The following CDX4 variants were observed in gnomAD, a reference collection of about 807,000 sequenced individuals.
The protein encoded by CDX4 is homeobox protein CDX-4.
A neutral mutation model predicts 14.1 loss-of-function variants in CDX4; 11 were observed. That is an observed-to-expected ratio of 0.78 (90% CI 0.49 to 1.29). CDX4 has a LOEUF of 1.29. CDX4 is among the 50% of genes most tolerant of loss of function. The pLI, the probability that CDX4 is intolerant of heterozygous loss-of-function variation, is 0.00. For synonymous variants in CDX4, 100 were observed against 93.5 expected (o/e 1.07, Z -0.40); for missense variants, 257 against 237.4 (o/e 1.08, Z -0.54).
chrX:73,454,606 A>T lies in CDX4; in HGVS notation c.*21A>T, dbSNP rs749990964. 4 of 1,138,417 alleles carry T rather than the reference A, an allele frequency of 3.5e-6. No individual in the cohort carries two copies. The Admixed American group carries it at 6.6e-5, about 19-fold the overall frequency. 93.8% of individuals were successfully genotyped at this position (1,138,417 alleles called of 1,213,427 possible). Reference sequence around the variant, plus strand: ...AATGAAAGAAAGCAAAGAGAAATTTAAAGTGCCCTTTTTTTAGTGATGTCT... The same window carrying T: ...AATGAAAGAAAGCAAAGAGAAATTTTAAGTGCCCTTTTTTTAGTGATGTCT... On this transcript the variant is annotated 3_prime_UTR_variant, in exon 3 of 3. Transcript: ENST00000373514.
Position 73,447,474 on chromosome X carries a change from C to T in CDX4, c.221C>T (p.Ser74Leu), listed in dbSNP as rs149578736. 1.5e-4 allele frequency: 178 copies of T among 1,210,006 alleles called. No homozygotes were observed. Among genetic ancestry groups the T allele is most frequent in the Non-Finnish European group, 1.9e-4 (174 of 895,036 alleles). Residue 74 changes from serine (S) to leucine (L), a missense_variant, in exon 1 of 3, where the codon TCA (serine) becomes TTA (leucine). Ser to Leu is a moderately radical substitution (Grantham distance 145, BLOSUM62 -2). Transcript: ENST00000373514. ...TGGCCGTCTCTGGGAGTCTGGGGCT[C>T]ACCCTACAGTCCCCCGCGAGAAGAC... ...PHWPSLGVWG[S>L]PYSPPREDWS...
intron 2 of CDX4, 61 bp from the exon 3 acceptor site, chrX:73,454,318 T>C: frequency 1.2e-6 from 1 of 800,027 alleles, no homozygotes; most frequent in Non-Finnish European, 1.8e-6. Context: ...CTAAAGTCTC[T>C]GTACAATATC....
In CDX4 at chrX:73,453,607, T is replaced by A; in HGVS notation, c.593T>A (p.Ile198Asn). The change falls in exon 2 of 3, where the codon ATC (isoleucine) becomes AAC (asparagine). Residue 198 changes from isoleucine to asparagine, a missense_variant. Ile to Asn is a moderately radical substitution (Grantham distance 149). Transcript: ENST00000373514. ...AAGGAATTCCATTGCAATAGATATATCACCATCCAGAGAAAATCAGAGCTG... is the reference window on the plus strand; with the variant it reads ...AAGGAATTCCATTGCAATAGATATAACACCATCCAGAGAAAATCAGAGCTG... ...LEKEFHCNRY[I>N]TIQRKSELAV... 1.7e-6 allele frequency: 2 copies of A among 1,204,472 alleles called. No individual in the cohort carries two copies. Among genetic ancestry groups the A allele is most frequent in the African/African-American group, 1.7e-5 (1 of 57,493 alleles).
At chrX:73,453,979 C>A in intron 2 of CDX4, among the ~76,000 whole-genome samples, 1 of 111,156 alleles carries the variant, frequency 9.0e-6, no homozygotes, top group Middle Eastern at 4.6e-3. Context: ...GGACGTTTCT[C>A]TTTAGTGAAA....
At chrX:73,453,170 C>T (rs1260112028) in intron 1 of CDX4, among the ~76,000 whole-genome samples, 1 of 111,330 alleles carries the variant, frequency 9.0e-6, no homozygotes, top group African/African-American at 3.3e-5. Flanking sequence ...TAAGCATTTT[C>T]AATGCTCTGC....
rs1485315105 is a variant in CDX4, at chrX:73,448,090, A to T, written c.502+335A>T. 2.7e-5 allele frequency among the ~76,000 whole-genome samples: 3 copies of T among 112,214 alleles called. No individual in the cohort carries two copies. The East Asian group carries it at 8.5e-4, about 32-fold the overall frequency. On this transcript the variant is annotated intron_variant, in intron 1 of 2. Coordinates refer to ENST00000373514, the MANE Select transcript of CDX4 (RefSeq NM_005193.2). ...GTTGCCCACATGGGAAAAGAGATGC[A>T]TGAGAAAGCTCAACGGGTGAATGAA...
chrX:73,447,156 C>G lies in CDX4; in HGVS notation c.-98C>G. 1.0e-6 allele frequency: 1 copy of G among 977,083 alleles called. No homozygotes were observed. The highest frequency in any genetic ancestry group is 1.4e-6 in the Non-Finnish European group (1 of 708,735). 80.5% of individuals were successfully genotyped at this position (977,083 alleles called of 1,213,427 possible). A position where few individuals can be genotyped will look rare whatever the true frequency, so the allele number is the denominator to read the frequency against. ...TGCAAAAGAGCTTGCGGCACAACTA[C>G]GTACTGATAAGTTTATTCTCTGCTG... On this transcript the variant is annotated 5_prime_UTR_variant, in exon 1 of 3. Transcript: ENST00000373514.
chrX:73,449,306 A>G (rs936036667), intron 1 of CDX4, among the ~76,000 whole-genome samples: 2 of 112,318 alleles, frequency 1.8e-5, no homozygotes, highest in Non-Finnish European at 1.9e-5. Context: ...TTTGCAATAG[A>G]GAACAAGAGA....
chrX:73,452,123 CTTTTTTTTTTT>C (rs34896025), intron 1 of CDX4, among the ~76,000 whole-genome samples: 1 of 66,672 alleles, frequency 1.5e-5, no homozygotes, highest in Non-Finnish European at 2.8e-5. Context: ...CACTGGTGTC[CTTTTTTTTTTT>C]TTTTTTTTTT....
At chrX:73,453,329 C>T (rs1002742368) in intron 1 of CDX4, among the ~76,000 whole-genome samples, 188 bp from the exon 2 acceptor site, 6 of 111,325 alleles carry the variant, frequency 5.4e-5, no homozygotes, top group Admixed American at 1.9e-4. Flanking sequence ...AGAGATATTG[C>T]TATCATAGCC....
chrX:73,447,094 C>T lies in CDX4; in HGVS notation c.-160C>T, dbSNP rs2057072227. On this transcript the variant is annotated 5_prime_UTR_variant, in exon 1 of 3. Transcript: ENST00000373514. ...TACAGGGCTGCTAGTCACCTGGATACCCTCGTAAGAAACGTGGGATGGAGT... is the reference window on the plus strand; with the variant it reads ...TACAGGGCTGCTAGTCACCTGGATATCCTCGTAAGAAACGTGGGATGGAGT... Among the ~76,000 whole-genome samples the T allele has an allele frequency of 1.8e-5, 2 of 111,313 alleles. No individual in the cohort carries two copies. Among genetic ancestry groups the T allele is most frequent in the South Asian group, 7.6e-4 (2 of 2,626 alleles).
intron 1 of CDX4, among the ~76,000 whole-genome samples, chrX:73,448,210 C>A (rs963612438): frequency 3.4e-4 from 38 of 110,616 alleles, no homozygotes; most frequent in Non-Finnish European, 6.6e-4. Context: ...TGTCTCCCCC[C>A]TCCCCGCCCC....
Position 73,447,253 on chromosome X carries a change from G to T in CDX4, c.-1G>T. ...AGGGAGCGCCTTCTACCCAAGACAC[G>T]ATGTACGGAAGCTGTCTTTTGGAGA... On this transcript the variant is annotated 5_prime_UTR_variant, in exon 1 of 3. Transcript: ENST00000373514. 8.3e-7 allele frequency: 1 copy of T among 1,204,450 alleles called. No homozygotes were observed.
At position 73,447,437 on chromosome X, in the gene CDX4, A is replaced by G; in HGVS notation, c.184A>G (p.Met62Val). The change falls in exon 1 of 3, where the codon ATG becomes GTG. Residue 62 changes from methionine (M) to valine (V), a missense_variant. Physicochemically the swap from Met to Val is conservative, Grantham distance 21. Transcript: ENST00000373514. ...HYMGYPHMPS[M>V]DPHWPSLGVW... ...TATGGGGTATCCTCATATGCCCAGC[A>G]TGGATCCTCACTGGCCGTCTCTGGG... is the stretch of plus-strand genomic sequence containing the variant. 8.3e-7 allele frequency: 1 copy of G among 1,211,309 alleles called. No homozygotes were observed.
At position 73,447,735 on chromosome X, in the gene CDX4, G is replaced by C; in HGVS notation, c.482G>C (p.Arg161Pro). 1 of 1,177,642 alleles carries C rather than the reference G, an allele frequency of 8.5e-7. No homozygotes were observed. Among genetic ancestry groups the C allele is most frequent in the Non-Finnish European group, 1.1e-6 (1 of 881,703 alleles). Residue 161 changes from arginine to proline, a missense_variant, in exon 1 of 3, where the codon CGC (arginine) becomes CCC (proline). By Grantham distance (103) the Arg-to-Pro change is moderately radical (BLOSUM62 -2). Coordinates refer to ENST00000373514, the MANE Select transcript of CDX4 (RefSeq NM_005193.2). Reference sequence around the variant, plus strand: ...CGCCACAGCCCCTATGCATGGATGCGCAAGACGGTGCAGGTGACGGGTGAG... The same window carrying C: ...CGCCACAGCCCCTATGCATGGATGCCCAAGACGGTGCAGGTGACGGGTGAG... ...RSRHSPYAWM[R>P]KTVQVTGKTR...
chrX:73,454,208 T>C (rs1467430754), intron 2 of CDX4, among the ~76,000 whole-genome samples, 171 bp from the exon 3 acceptor site: 1 of 111,728 alleles, frequency 9.0e-6, no homozygotes, highest in Non-Finnish European at 1.9e-5. Context: ...TTGCCCTCTC[T>C]AAGTCTCAAG....
chrX:73,454,648 A>G lies in CDX4; in HGVS notation c.*63A>G. 1 of 839,976 alleles carries G rather than the reference A, an allele frequency of 1.2e-6. No homozygotes were observed. The highest frequency in any genetic ancestry group is 1.7e-6 in the Non-Finnish European group (1 of 576,251). 69.2% of individuals were successfully genotyped at this position (839,976 alleles called of 1,213,427 possible). On this transcript the variant is annotated 3_prime_UTR_variant, in exon 3 of 3. Coordinates refer to ENST00000373514, the MANE Select transcript of CDX4 (RefSeq NM_005193.2). ...GTGATGTCTTTTGGGTCTCTAAGCT[A>G]TCTACAGGGGAGTTGGAGCAGGGTG...
chrX:73,449,567 TGA>T (rs1202351471), intron 1 of CDX4, among the ~76,000 whole-genome samples: 3 of 111,796 alleles, frequency 2.7e-5, no homozygotes, highest in Non-Finnish European at 3.8e-5. Context: ...CCAATTTCTA[TGA>T]GAAGTTTAAA....
intron 1 of CDX4, among the ~76,000 whole-genome samples, chrX:73,449,639 T>C (rs1350921945): frequency 2.7e-5 from 3 of 112,221 alleles, no homozygotes; most frequent in Admixed American, 9.5e-5. Flanking sequence ...TGAGGCTTCA[T>C]TAAATTAAAA....
Sources: allele counts gnomAD v4.1 joint callset (sites outside exome capture counted in the v4.1 genomes callset), GRCh38; gene constraint gnomAD v4.1.1; transcripts MANE v1.5; gene names NCBI Gene and HGNC (gene_info 2026-07-23, HGNC 2026-07-21).